Variants in IL12RB1 observed in about 807,000 individuals in gnomAD.
IL12RB1 encodes interleukin 12 receptor subunit beta 1.
A neutral mutation model predicts 94.4 loss-of-function variants in IL12RB1; 64 were observed. The observed-to-expected ratio is 0.68, with a 90% CI of 0.55 to 0.83. The LOEUF is 0.83. Among genes scored for constraint, IL12RB1 ranks in the 40% least tolerant of loss-of-function variants. IL12RB1 has a pLI of 0.00. For synonymous variants in IL12RB1, 362 were observed against 355.5 expected (o/e 1.02, Z -0.21); for missense variants, 814 against 855.6 (o/e 0.95, Z 0.61).
intron 14 of IL12RB1, among the ~76,000 whole-genome samples, chr19:18,061,737 C>T (rs781656929): frequency 3.3e-5 from 5 of 152,100 alleles, no homozygotes; most frequent in Non-Finnish European, 7.4e-5. Context: ...ATGGCACGCA[C>T]CTGTAGTCCC....
At chr19:18,066,095 T>C (rs911146861) in intron 12 of IL12RB1, among the ~76,000 whole-genome samples, 2 of 151,548 alleles carry the variant, frequency 1.3e-5, no homozygotes, top group African/African-American at 4.8e-5. Flanking sequence ...TTTTTGTTTT[T>C]TGTTTGTTTG....
chr19:18,079,700 G>C (rs1263431585), intron 4 of IL12RB1, among the ~76,000 whole-genome samples: 2 of 151,580 alleles, frequency 1.3e-5, no homozygotes, highest in Non-Finnish European at 2.9e-5. Context: ...ATGAGGTCAG[G>C]AGATCGAGAC....
At chr19:18,093,415 G>C (rs2036734288) in intron 1 of IL12RB1, among the ~76,000 whole-genome samples, 1 of 151,714 alleles carries the variant, frequency 6.6e-6, no homozygotes, top group Non-Finnish European at 1.5e-5. Flanking sequence ...CATTCATTCA[G>C]TCAGTCCAGT....
At chr19:18,072,042 A>T in intron 9 of IL12RB1, 70 bp downstream of exon 9, 1 of 1,057,526 alleles carries the variant, frequency 9.5e-7, no homozygotes, top group South Asian at 1.3e-5. Flanking sequence ...ACCCTGGTCT[A>T]GCTGAGGCTC....
chr19:18,062,629 G>A (rs1010868333), intron 13 of IL12RB1, among the ~76,000 whole-genome samples: 7 of 152,088 alleles, frequency 4.6e-5, no homozygotes, highest in African/African-American at 1.4e-4. Context: ...AAAATTAGCT[G>A]GGCGTGGTGG....
In IL12RB1 at chr19:18,083,414, T is replaced by C; in HGVS notation, c.124+18A>G. The C allele has an allele frequency of 1.9e-6, 3 of 1,613,026 alleles. No homozygotes were observed. Among genetic ancestry groups the C allele is most frequent in the Admixed American group, 1.7e-5 (1 of 60,004 alleles). On this transcript the variant is annotated intron_variant, in intron 2 of 16. Transcript: ENST00000593993. ...GCCCTACATAATCCTCAGCCAACAA[T>C]GAGGAACTGCCCCGAACCTGAGTCT...
Position 18,072,686 on chromosome 19 carries a change from G to A in IL12RB1, c.784-337C>T, listed in dbSNP as rs540091770. 7.2e-5 allele frequency among the ~76,000 whole-genome samples: 11 copies of A among 152,120 alleles called. No homozygotes were observed. The South Asian group carries it at 1.5e-3, about 20-fold the overall frequency. ...TGAGAGGCCGGGCACGGGGGCTCAC[G>A]CCTCTAATCCCAGCACTTTGGGAGG... On this transcript the variant is annotated intron_variant, in intron 8 of 16. Transcript: ENST00000593993.
chr19:18,065,809 A>G (rs1363568792), intron 12 of IL12RB1, among the ~76,000 whole-genome samples: 2 of 148,822 alleles, frequency 1.3e-5, no homozygotes, highest in Non-Finnish European at 3.0e-5. Context: ...ACAGAGACAG[A>G]CTCCCTCTCA....
chr19:18,094,155 G>A (rs2036772609), intron 1 of IL12RB1, among the ~76,000 whole-genome samples: 1 of 152,182 alleles, frequency 6.6e-6, no homozygotes, highest in Non-Finnish European at 1.5e-5. Context: ...TTGAGATGGA[G>A]TCTCGCTCTG....
In IL12RB1 at chr19:18,078,676, A is replaced by G. The variant is rs1027998823; in HGVS notation, c.410-1021T>C. Among the ~76,000 whole-genome samples the G allele has an allele frequency of 1.5e-4, 23 of 151,930 alleles. 1 individual carries two copies. Among genetic ancestry groups the G allele is most frequent in the African/African-American group, 5.3e-4 (22 of 41,468 alleles). On this transcript the variant is annotated intron_variant, in intron 4 of 16. Coordinates refer to ENST00000593993, the MANE Select transcript of IL12RB1 (RefSeq NM_005535.3). ...AGGCATGAGCCACTGTGTCCAGCCA[A>G]TTCTTTTTTTGTTTGTTTGTTTGTT...
upstream of IL12RB1, among the ~76,000 whole-genome samples, chr19:18,087,966 C>T (rs575358876): frequency 7.0e-4 from 106 of 152,274 alleles, no homozygotes; most frequent in Non-Finnish European, 1.1e-3. Flanking sequence ...ACATGCCAAG[C>T]TCCAGCCTTG....
chr19:18,097,299 T>A (rs1252200783), intron 1 of IL12RB1, among the ~76,000 whole-genome samples: 1 of 152,136 alleles, frequency 6.6e-6, no homozygotes, highest in African/African-American at 2.4e-5. Flanking sequence ...TGCCTCAGTC[T>A]TCTGAGTAGC....
chr19:18,073,596 T>G lies in IL12RB1; in HGVS notation c.704A>C (p.Asn235Thr), dbSNP rs774673380. Reference sequence around the variant, plus strand: ...GAATCTCACCTGAGGCTGTGGGGGGTTTTCTGCAATCAGAACCAAACCAAC... The same window carrying G: ...GAATCTCACCTGAGGCTGTGGGGGGGTTTCTGCAATCAGAACCAAACCAAC... ...WSSPVCVPPE[N>T]PPQPQVRFSV... The change falls in exon 8 of 17, where the codon AAC becomes ACC. Residue 235 changes from asparagine (N) to threonine (T), a missense_variant. Coordinates refer to ENST00000593993, the MANE Select transcript of IL12RB1 (RefSeq NM_005535.3). 4 of 1,600,412 alleles carry G rather than the reference T, an allele frequency of 2.5e-6. No homozygotes were observed. The highest frequency in any genetic ancestry group is 1.4e-5 in the African/African-American group (1 of 72,362).
upstream of IL12RB1, chr19:18,087,129 A>C: frequency 2.1e-6 from 1 of 470,110 alleles, no homozygotes; most frequent in African/African-American, 2.0e-5. Context: ...CCTGAACTGA[A>C]CACCCAGATG....
At chr19:18,065,709 C>T (rs1490232786) in intron 12 of IL12RB1, among the ~76,000 whole-genome samples, 1 of 152,086 alleles carries the variant, frequency 6.6e-6, no homozygotes, top group Non-Finnish European at 1.5e-5. Context: ...ATCCCAGCTA[C>T]TTGGGAGGCT....
intron 1 of IL12RB1, among the ~76,000 whole-genome samples, chr19:18,094,269 C>CA (rs1431516085): frequency 6.6e-6 from 1 of 152,208 alleles, no homozygotes; most frequent in African/African-American, 2.4e-5. Flanking sequence ...GCGGGGATTA[C>CA]AGGCGTGCCC....
intron 14 of IL12RB1, 32 bp downstream of exon 14, chr19:18,062,149 T>C (rs1274022113): frequency 7.1e-7 from 1 of 1,408,004 alleles, no homozygotes; most frequent in Non-Finnish European, 1.0e-6. Context: ...ATCATTACCA[T>C]CGCTATGGTA....
intron 1 of IL12RB1, among the ~76,000 whole-genome samples, chr19:18,084,500 A>G (rs920063702): frequency 1.3e-5 from 2 of 152,000 alleles, no homozygotes; most frequent in African/African-American, 4.8e-5. Context: ...CCATCCATGT[A>G]TTTATCCATG....
chr19:18,092,227 A>G (rs1599596829), intron 1 of IL12RB1, among the ~76,000 whole-genome samples: 1 of 138,972 alleles, frequency 7.2e-6, no homozygotes, highest in African/African-American at 2.7e-5. Context: ...ATGTGGTCTC[A>G]TGCCTGTATC....
Sources: allele counts gnomAD v4.1 joint callset (sites outside exome capture counted in the v4.1 genomes callset), GRCh38; gene constraint gnomAD v4.1.1; transcripts MANE v1.5; gene names NCBI Gene and HGNC (gene_info 2026-07-23, HGNC 2026-07-21).